Variants in HS3ST5 observed in about 807,000 individuals in gnomAD.
HS3ST5 encodes heparan sulfate glucosamine 3-O-sulfotransferase 5.
HS3ST5 carries 10 observed loss-of-function variants against 25.4 expected under a neutral mutation model. The ratio of observed to expected loss-of-function variants is 0.39; its 90% CI spans 0.24 to 0.67. HS3ST5 has a LOEUF of 0.67. HS3ST5 is among the 30% of genes least tolerant of loss of function. The pLI, the probability that HS3ST5 is intolerant of heterozygous loss-of-function variation, is 0.44. For missense variants in HS3ST5, 324 were observed against 420.7 expected (o/e 0.77, Z 2.01); for synonymous variants, 170 against 162.4 (o/e 1.05, Z -0.36).
In HS3ST5 at chr6:114,236,106, T is replaced by C. The variant is rs1006209318; in HGVS notation, c.-338-7328A>G. 2.6e-5 allele frequency among the ~76,000 whole-genome samples: 4 copies of C among 152,200 alleles called. No homozygotes were observed. In the South Asian group the frequency reaches 8.3e-4, roughly 32 times the overall value. ...AGGGCAGATTTATTATGGGGTTCAT[T>C]ATAGAGAGCCACCTGGTCTACTTTG... On this transcript the variant is annotated intron_variant, in intron 1 of 4. Transcript: ENST00000312719.
intron 2 of HS3ST5, among the ~76,000 whole-genome samples, chr6:114,222,632 G>A (rs1782095018): frequency 6.6e-6 from 1 of 151,784 alleles, no homozygotes; most frequent in Non-Finnish European, 1.5e-5. Context: ...AAATGTGGTT[G>A]CTATGGCACA....
intron 3 of HS3ST5, chr6:114,115,995 A>T (rs1776510145): frequency 6.6e-6 from 1 of 152,084 alleles, no homozygotes; most frequent in Non-Finnish European, 1.5e-5. Context: ...TTTGATACTA[A>T]AGCATAAAAT....
intron 3 of HS3ST5, chr6:114,112,414 C>T (rs1323353277): frequency 6.6e-6 from 1 of 152,224 alleles, no homozygotes; most frequent in African/African-American, 2.4e-5. Context: ...CTTAGTGCCT[C>T]CAGAAGGAAT....
At chr6:114,263,773 G>A (rs1490047640) in intron 1 of HS3ST5, among the ~76,000 whole-genome samples, 2 of 152,114 alleles carry the variant, frequency 1.3e-5, no homozygotes, top group African/African-American at 4.8e-5. Flanking sequence ...TTCAAAATGA[G>A]TCAGAAGAGA....
At chr6:114,274,426 G>A (rs1773763670) in intron 1 of HS3ST5, among the ~76,000 whole-genome samples, 1 of 152,028 alleles carries the variant, frequency 6.6e-6, no homozygotes, top group Non-Finnish European at 1.5e-5. Context: ...CTCTAGAAAG[G>A]TTGGTCTGCA....
intron 2 of HS3ST5, among the ~76,000 whole-genome samples, chr6:114,204,360 T>A (rs1781171619): frequency 1.3e-5 from 2 of 152,208 alleles, no homozygotes; most frequent in African/African-American, 4.8e-5. Context: ...TATGAAATCA[T>A]CTTTTAAAGG....
At chr6:114,289,920 A>G (rs774782238) in intron 1 of HS3ST5, among the ~76,000 whole-genome samples, 2 of 152,166 alleles carry the variant, frequency 1.3e-5, no homozygotes, top group Non-Finnish European at 2.9e-5. Context: ...GGGTTATATA[A>G]TAGTATTGTA....
At chr6:114,322,542 T>C (rs1380056505) in intron 1 of HS3ST5, among the ~76,000 whole-genome samples, 2 of 152,144 alleles carry the variant, frequency 1.3e-5, no homozygotes, top group Non-Finnish European at 2.9e-5. Context: ...AAGGTAACAG[T>C]GAAGCCTATA....
intron 1 of HS3ST5, among the ~76,000 whole-genome samples, chr6:114,277,151 T>C (rs1301804428): frequency 6.6e-6 from 1 of 151,778 alleles, no homozygotes; most frequent in East Asian, 1.9e-4. Context: ...GTTTTTCAGG[T>C]TAACGTTTCA....
rs1772767441 is a variant in HS3ST5 at position 114,056,253 on chromosome 6, G to A, written c.*1004C>T. 6.6e-6 allele frequency: 1 copy of A among 152,104 alleles called. No individual in the cohort carries two copies. The highest frequency in any genetic ancestry group is 1.5e-5 in the Non-Finnish European group (1 of 68,018). 9.4% of individuals were successfully genotyped at this position (152,104 alleles called of 1,614,324 possible). A position where few individuals can be genotyped will look rare whatever the true frequency, so the allele number is the denominator to read the frequency against. On this transcript the variant is annotated 3_prime_UTR_variant, in exon 5 of 5. Transcript: ENST00000312719. ...AGCAGCACTAGGGTTCTTTGAGGTG[G>A]CTATTATACTTGATTTCCAGATGGT...
chr6:114,213,979 T>C (rs1334161561), intron 2 of HS3ST5, among the ~76,000 whole-genome samples: 1 of 152,238 alleles, frequency 6.6e-6, no homozygotes, highest in Non-Finnish European at 1.5e-5. Context: ...TTTTCTTTCC[T>C]AGAGAAGTTC....
intron 1 of HS3ST5, among the ~76,000 whole-genome samples, chr6:114,282,191 A>G (rs984778421): frequency 6.6e-6 from 1 of 152,014 alleles, no homozygotes; most frequent in African/African-American, 2.4e-5. Context: ...TCTAAAATGA[A>G]TCACATATTA....
At chr6:114,130,636 C>T (rs1404440921) in intron 3 of HS3ST5, among the ~76,000 whole-genome samples, 2 of 152,102 alleles carry the variant, frequency 1.3e-5, no homozygotes, top group African/African-American at 4.8e-5. Flanking sequence ...GTGGCGCAAT[C>T]TCGGCTCACT....
chr6:114,135,782 G>A (rs927060206), intron 3 of HS3ST5, among the ~76,000 whole-genome samples: 9 of 152,202 alleles, frequency 5.9e-5, no homozygotes, highest in African/African-American at 2.2e-4. Flanking sequence ...CTGCCTGGAA[G>A]GCTCTTCCCC....
At chr6:114,332,307 C>T (rs1208131477) in intron 1 of HS3ST5, among the ~76,000 whole-genome samples, 1 of 152,038 alleles carries the variant, frequency 6.6e-6, no homozygotes, top group African/African-American at 2.4e-5. Context: ...TATATCGTGC[C>T]CTCACTATGC....
intron 1 of HS3ST5, among the ~76,000 whole-genome samples, chr6:114,315,568 T>G (rs775588774): frequency 3.3e-5 from 5 of 152,216 alleles, no homozygotes; most frequent in Non-Finnish European, 5.9e-5. Context: ...TTATTACAAA[T>G]ATGTTAAAAG....
At chr6:114,282,472 G>A (rs1164535437) in intron 1 of HS3ST5, among the ~76,000 whole-genome samples, 1 of 151,826 alleles carries the variant, frequency 6.6e-6, no homozygotes, top group Non-Finnish European at 1.5e-5. Flanking sequence ...GTTCTCTTAG[G>A]CTATTAGGCC....
Position 114,057,202 on chromosome 6 carries a change from C to T in HS3ST5, c.*55G>A. 2 of 1,267,590 alleles carry T rather than the reference C, an allele frequency of 1.6e-6. No homozygotes were observed. Among genetic ancestry groups the T allele is most frequent in the Middle Eastern group, 1.9e-4 (1 of 5,170 alleles). The allele number at this position is 1,267,590 out of a possible 1,614,324, so 78.5% of individuals were successfully genotyped here. A position where few individuals can be genotyped will look rare whatever the true frequency, so the allele number is the denominator to read the frequency against. On this transcript the variant is annotated 3_prime_UTR_variant, in exon 5 of 5. Transcript: ENST00000312719. Reference sequence around the variant, plus strand: ...TAGGAAAAGTGCATATTTTAATCTACAGGAGACATTGTGTGTCTCCAGGCA... The same window carrying T: ...TAGGAAAAGTGCATATTTTAATCTATAGGAGACATTGTGTGTCTCCAGGCA...
chr6:114,142,524 C>G (rs1777960420), intron 3 of HS3ST5, among the ~76,000 whole-genome samples: 1 of 152,140 alleles, frequency 6.6e-6, no homozygotes, highest in Admixed American at 6.5e-5. Context: ...GAGGATAACA[C>G]AAGCCTTGTG....
Sources: allele counts gnomAD v4.1 joint callset (sites outside exome capture counted in the v4.1 genomes callset), GRCh38; gene constraint gnomAD v4.1.1; transcripts MANE v1.5; gene names NCBI Gene and HGNC (gene_info 2026-07-23, HGNC 2026-07-21).